VDAC1: variants seen among roughly 807,000 people sequenced by gnomAD.
The protein encoded by VDAC1 is non-selective voltage-gated ion channel VDAC1.
VDAC1 carries 10 observed loss-of-function variants against 34.7 expected under a neutral mutation model. The ratio of observed to expected loss-of-function variants is 0.29; its 90% CI spans 0.18 to 0.49. VDAC1 has a LOEUF of 0.49. Ranked by LOEUF, VDAC1 falls within the 20% of genes least tolerant of loss-of-function variation. VDAC1 has a pLI of 0.99. For missense variants in VDAC1, 230 were observed against 347.9 expected (o/e 0.66, Z 2.69); for synonymous variants, 130 against 136.0 (o/e 0.96, Z 0.30).
upstream of VDAC1, among the ~76,000 whole-genome samples, chr5:134,006,742 C>A (rs1171433709): frequency 8.9e-6 from 1 of 112,824 alleles, no homozygotes; most frequent in Non-Finnish European, 1.9e-5. Context: ...CATTGTCCCC[C>A]CCCCCCAAAA....
the VDAC1 span, among the ~76,000 whole-genome samples, chr5:134,039,802 A>G: frequency 6.6e-6 from 1 of 152,350 alleles, no homozygotes; most frequent in Middle Eastern, 3.4e-3. Context: ...GAGGAGGCAC[A>G]GTTCCCTGTT....
At chr5:134,028,966 T>C in the VDAC1 span, among the ~76,000 whole-genome samples, 1 of 152,136 alleles carries the variant, frequency 6.6e-6, no homozygotes, top group African/African-American at 2.4e-5. Context: ...GGCCATGTCA[T>C]AAGGACACTC....
chr5:134,000,575 G>A (rs376246071), intron 1 of VDAC1, among the ~76,000 whole-genome samples: 9 of 152,212 alleles, frequency 5.9e-5, no homozygotes, highest in South Asian at 2.1e-4. Flanking sequence ...GAGACAGACA[G>A]TGCTTGGGCA....
the VDAC1 span, among the ~76,000 whole-genome samples, chr5:134,104,975 C>A: frequency 6.6e-6 from 1 of 152,214 alleles, no homozygotes; most frequent in Admixed American, 6.5e-5. Flanking sequence ...GCATGCTATT[C>A]CCTGCAAGTG....
At chr5:134,106,592 G>T in the VDAC1 span, among the ~76,000 whole-genome samples, 1 of 152,020 alleles carries the variant, frequency 6.6e-6, no homozygotes, top group Non-Finnish European at 1.5e-5. Flanking sequence ...ATTTTTAGTA[G>T]AGATGGAGTT....
intron 1 of VDAC1, among the ~76,000 whole-genome samples, chr5:133,997,927 C>T (rs1393201355): frequency 1.1e-4 from 16 of 151,512 alleles, no homozygotes; most frequent in African/African-American, 3.2e-4. Context: ...ATTAGCCAGG[C>T]GTGGTGGCGC....
chr5:134,033,864 C>T, the VDAC1 span, among the ~76,000 whole-genome samples: 50 of 151,426 alleles, frequency 3.3e-4, no homozygotes, highest in African/African-American at 6.8e-4. Context: ...TGGTGGCAGG[C>T]GCCTGTAGTC....
chr5:134,078,287 T>A, the VDAC1 span, among the ~76,000 whole-genome samples: 1 of 152,044 alleles, frequency 6.6e-6, no homozygotes, highest in East Asian at 1.9e-4. Flanking sequence ...CCACTCCAGC[T>A]GTGGTCAGGA....
At chr5:134,026,102 T>A in the VDAC1 span, among the ~76,000 whole-genome samples, 1 of 152,136 alleles carries the variant, frequency 6.6e-6, no homozygotes, top group African/African-American at 2.4e-5. Flanking sequence ...CCTGCCCTCA[T>A]GCAAATCCGA....
At chr5:134,055,088 C>T in the VDAC1 span, among the ~76,000 whole-genome samples, 1 of 152,196 alleles carries the variant, frequency 6.6e-6, no homozygotes, top group African/African-American at 2.4e-5. Flanking sequence ...CCTGGTGGTG[C>T]CCACAGCTCA....
chr5:134,035,963 A>C, the VDAC1 span, among the ~76,000 whole-genome samples: 1 of 147,052 alleles, frequency 6.8e-6, no homozygotes, highest in African/African-American at 2.5e-5. Context: ...CCGAGATCGC[A>C]CCACTGCACT....
chr5:134,050,206 G>C, the VDAC1 span, among the ~76,000 whole-genome samples: 1 of 152,188 alleles, frequency 6.6e-6, no homozygotes, highest in East Asian at 1.9e-4. Context: ...CCGAGATCAC[G>C]CCATTGCACT....
chr5:134,103,707 T>A, the VDAC1 span, among the ~76,000 whole-genome samples: 1 of 152,210 alleles, frequency 6.6e-6, no homozygotes, highest in Non-Finnish European at 1.5e-5. Flanking sequence ...CCCTGCAGAT[T>A]TGAATCTCAT....
the VDAC1 span, among the ~76,000 whole-genome samples, chr5:134,046,095 G>A: frequency 1.3e-5 from 2 of 150,596 alleles, no homozygotes; most frequent in African/African-American, 4.9e-5. Flanking sequence ...GCGCAATCTC[G>A]GCTCACTGCA....
the VDAC1 span, among the ~76,000 whole-genome samples, chr5:134,014,654 T>C: frequency 6.6e-6 from 1 of 152,018 alleles, no homozygotes; most frequent in Non-Finnish European, 1.5e-5. Flanking sequence ...GATCACAAGG[T>C]CAGGAGTTCA....
chr5:134,003,361 C>T (rs1753633762), intron 1 of VDAC1, among the ~76,000 whole-genome samples: 1 of 152,148 alleles, frequency 6.6e-6, no homozygotes, highest in Admixed American at 6.5e-5. Context: ...CCCCTATCTC[C>T]CCAGGAGAGG....
chr5:134,103,604 A>G, the VDAC1 span, among the ~76,000 whole-genome samples: 1 of 152,224 alleles, frequency 6.6e-6, no homozygotes, highest in Non-Finnish European at 1.5e-5. Context: ...AAAGGCCCAG[A>G]CAGCATTTCT....
At chr5:134,039,405 T>G in the VDAC1 span, among the ~76,000 whole-genome samples, 1 of 152,202 alleles carries the variant, frequency 6.6e-6, no homozygotes, top group Non-Finnish European at 1.5e-5. Context: ...CTCGGCTCAC[T>G]GTAAGCTCTG....
the VDAC1 span, among the ~76,000 whole-genome samples, chr5:134,015,440 C>T: frequency 6.6e-6 from 1 of 152,148 alleles, no homozygotes; most frequent in African/African-American, 2.4e-5. Context: ...ATTGAATCTT[C>T]TGGAACATTG....
Sources: allele counts gnomAD v4.1 joint callset (sites outside exome capture counted in the v4.1 genomes callset), GRCh38; gene constraint gnomAD v4.1.1; transcripts MANE v1.5; gene names NCBI Gene and HGNC (gene_info 2026-07-23, HGNC 2026-07-21).